MIPEP: variants seen among roughly 807,000 people sequenced by gnomAD.
MIPEP encodes mitochondrial intermediate peptidase.
MIPEP carries 79 observed loss-of-function variants against 90.3 expected under a neutral mutation model. The ratio of observed to expected loss-of-function variants is 0.87; its 90% confidence interval spans 0.73 to 1.05. The LOEUF (loss-of-function observed/expected upper bound fraction) is 1.05, where lower values mean the gene tolerates loss of function less well. MIPEP is among the 50% of genes least tolerant of loss of function. The pLI, the probability that MIPEP is intolerant of heterozygous loss-of-function variation, is 0.00. For synonymous variants in MIPEP, 334 were observed against 315.8 expected (o/e 1.06, Z -0.61); for missense variants, 940 against 905.6 (o/e 1.04, Z -0.49).
rs1436960723 is a variant in MIPEP at position 23,796,752 on chromosome 13, C to T, written c.1848+9198G>A. On this transcript the variant is annotated intron_variant, in intron 16 of 18. Transcript: ENST00000382172. ...AGCACACTATGTAAACAACAGGGTT[C>T]ACCACTAGCTGCACTCCATCTCCAA... 2.0e-5 allele frequency among the ~76,000 whole-genome samples: 3 copies of T among 152,198 alleles called. No individual in the cohort carries two copies. The East Asian group carries it at 5.8e-4, about 29-fold the overall frequency.
intron 5 of MIPEP, among the ~76,000 whole-genome samples, chr13:23,873,162 G>C (rs1464514120): frequency 6.6e-6 from 1 of 152,216 alleles, no homozygotes; most frequent in South Asian, 2.1e-4. Context: ...AGCCTTCATG[G>C]GGACTTCAGC....
chr13:23,782,708 G>A (rs1340408175), intron 16 of MIPEP, among the ~76,000 whole-genome samples: 1 of 152,020 alleles, frequency 6.6e-6, no homozygotes, highest in Non-Finnish European at 1.5e-5. Context: ...TAGACCAGTA[G>A]CAAGACTAAT....
intron 14 of MIPEP, among the ~76,000 whole-genome samples, chr13:23,828,481 G>T (rs532755008): frequency 1.7e-4 from 26 of 152,308 alleles, no homozygotes; most frequent in African/African-American, 6.3e-4. Flanking sequence ...TAGCAAAGCT[G>T]CTGTAAACAA....
At chr13:23,888,713 A>T in intron 1 of MIPEP, 1 of 1,003,954 alleles carries the variant, frequency 1.0e-6, no homozygotes. Context: ...TCCTTGCAAA[A>T]AGACCATGTG....
At chr13:23,879,395 A>G (rs1871195758) in intron 3 of MIPEP, 41 bp from the exon 4 acceptor site, 1 of 1,060,480 alleles carries the variant, frequency 9.4e-7, no homozygotes, top group African/African-American at 1.6e-5. Context: ...TGATTTTCTA[A>G]TACCTTATTT....
At chr13:23,887,973 G>C (rs566835960) in intron 1 of MIPEP, 35 of 332,366 alleles carry the variant, frequency 1.1e-4, no homozygotes, top group African/African-American at 7.3e-4. Flanking sequence ...TGCCCATATT[G>C]CTCTCGGGAA....
chr13:23,869,552 G>C (rs1490308655), intron 6 of MIPEP, 104 bp from the exon 7 acceptor site: 1 of 1,076,890 alleles, frequency 9.3e-7, no homozygotes, highest in Admixed American at 3.1e-5. Flanking sequence ...GATGATCACT[G>C]CTTTCAAAAT....
chr13:23,760,637 C>T (rs1322134942), intron 16 of MIPEP: 1 of 504,542 alleles, frequency 2.0e-6, no homozygotes, highest in East Asian at 5.8e-5. Context: ...CTGCTGACAC[C>T]TTGGTCTGGA....
At chr13:23,730,756 A>ATT (rs968567178) in intron 18 of MIPEP, among the ~76,000 whole-genome samples, 1 of 151,894 alleles carries the variant, frequency 6.6e-6, no homozygotes, top group East Asian at 1.9e-4. Flanking sequence ...TAGAAGACTG[A>ATT]TTTTTTTTTA....
At chr13:23,850,609 T>C (rs1869758378) in intron 10 of MIPEP, among the ~76,000 whole-genome samples, 1 of 152,174 alleles carries the variant, frequency 6.6e-6, no homozygotes, top group Non-Finnish European at 1.5e-5. Context: ...TCCATCATCA[T>C]CCTAGGGATT....
intron 18 of MIPEP, among the ~76,000 whole-genome samples, chr13:23,754,379 T>C (rs1952470937): frequency 6.6e-6 from 1 of 152,242 alleles, no homozygotes; most frequent in Non-Finnish European, 1.5e-5. Flanking sequence ...TAATGAGATC[T>C]GACAGAACAG....
chr13:23,743,898 C>T (rs1223918376), intron 18 of MIPEP, among the ~76,000 whole-genome samples: 1 of 152,140 alleles, frequency 6.6e-6, no homozygotes, highest in African/African-American at 2.4e-5. Context: ...AAGCTTTCAG[C>T]GATTTCAGAG....
intron 16 of MIPEP, among the ~76,000 whole-genome samples, chr13:23,781,548 A>G (rs983735541): frequency 6.6e-6 from 1 of 152,256 alleles, no homozygotes; most frequent in East Asian, 1.9e-4. Context: ...TGCATCAACT[A>G]GCGAGCAAAA....
intron 10 of MIPEP, among the ~76,000 whole-genome samples, chr13:23,849,210 T>C (rs1427134254): frequency 6.6e-6 from 1 of 152,224 alleles, no homozygotes; most frequent in Non-Finnish European, 1.5e-5. Flanking sequence ...GCATAGATGC[T>C]ACACATAAGA....
chr13:23,793,994 C>A (rs1005394799), intron 16 of MIPEP, among the ~76,000 whole-genome samples: 1 of 152,032 alleles, frequency 6.6e-6, no homozygotes, highest in Non-Finnish European at 1.5e-5. Context: ...ACGTCACACT[C>A]AAATCTGTAT....
intron 18 of MIPEP, among the ~76,000 whole-genome samples, chr13:23,735,491 C>G (rs1264592285): frequency 6.6e-6 from 1 of 152,196 alleles, no homozygotes; most frequent in East Asian, 1.9e-4. Context: ...TATGGCTATC[C>G]TGTTCTTTGA....
chr13:23,870,355 T>C (rs1449907692), intron 5 of MIPEP, among the ~76,000 whole-genome samples, 160 bp from the exon 6 acceptor site: 1 of 150,528 alleles, frequency 6.6e-6, no homozygotes, highest in Non-Finnish European at 1.5e-5. Context: ...TACTATATTA[T>C]AAATAATATA....
chr13:23,796,761 C>T (rs900464275), intron 16 of MIPEP, among the ~76,000 whole-genome samples: 2 of 152,206 alleles, frequency 1.3e-5, no homozygotes, highest in Non-Finnish European at 2.9e-5. Context: ...TCACCACTAG[C>T]TGCACTCCAT....
chr13:23,771,771 A>G (rs1273489741), intron 16 of MIPEP, among the ~76,000 whole-genome samples: 2 of 151,978 alleles, frequency 1.3e-5, no homozygotes, highest in Non-Finnish European at 2.9e-5. Context: ...TTACCTATTA[A>G]CCCTTACCTA....
Sources: gnomAD v4.1 joint callset for allele counts (sites outside exome capture counted in the v4.1 genomes callset) on GRCh38, gnomAD v4.1.1 for gene constraint, MANE v1.5 for transcripts, NCBI Gene and HGNC (gene_info 2026-07-23, HGNC 2026-07-21) for gene names.